The following MARCO variants were observed in gnomAD, a reference collection of about 807,000 sequenced individuals.
MARCO encodes the protein macrophage receptor MARCO.
MARCO carries 72 observed loss-of-function variants against 70.0 expected under a neutral mutation model. The ratio of observed to expected loss-of-function variants is 1.03; its 90% CI spans 0.85 to 1.25. The LOEUF (loss-of-function observed/expected upper bound fraction) is 1.25, where lower values mean the gene tolerates loss of function less well. Ranked by LOEUF, MARCO falls within the 50% of genes most tolerant of loss-of-function variation. The pLI is 0.00. For missense variants in MARCO, 696 were observed against 659.3 expected (o/e 1.06, Z -0.61); for synonymous variants, 273 against 243.1 (o/e 1.12, Z -1.14).
chr2:118,975,851 C>T (rs1680272416), intron 6 of MARCO, among the ~76,000 whole-genome samples: 1 of 152,192 alleles, frequency 6.6e-6, no homozygotes, highest in Non-Finnish European at 1.5e-5. Context: ...TACACTTGCA[C>T]AAGTACAATC....
chr2:118,988,550 C>G (rs1680558674), intron 12 of MARCO, among the ~76,000 whole-genome samples: 1 of 152,102 alleles, frequency 6.6e-6, no homozygotes, highest in South Asian at 2.1e-4. Flanking sequence ...GCAGAAATCT[C>G]TACCTTAAGA....
chr2:118,972,943 G>T (rs767317511), intron 4 of MARCO, among the ~76,000 whole-genome samples: 28 of 151,250 alleles, frequency 1.9e-4, no homozygotes, highest in Non-Finnish European at 3.7e-4. Flanking sequence ...GGCTTCTATG[G>T]CTCTCTCTCT....
intron 12 of MARCO, among the ~76,000 whole-genome samples, chr2:118,986,721 GA>G (rs370264640): frequency 0.019 from 1,679 of 88,376 alleles, 284 homozygotes; most frequent in African/African-American, 0.12. Context: ...AAGAAAGAAA[GA>G]AAAGAAAGAA....
At chr2:118,985,274 G>A (rs987926465) in intron 12 of MARCO, among the ~76,000 whole-genome samples, 2 of 152,094 alleles carry the variant, frequency 1.3e-5, no homozygotes, top group African/African-American at 4.8e-5. Flanking sequence ...TAGAGTGTAT[G>A]ATTTGAGAGA....
At chr2:118,983,885 A>C (rs1380507680) in intron 12 of MARCO, among the ~76,000 whole-genome samples, 1 of 152,104 alleles carries the variant, frequency 6.6e-6, no homozygotes, top group Non-Finnish European at 1.5e-5. Context: ...CCACAGGAGC[A>C]TTGTGCTTAC....
chr2:118,992,582 A>T (rs537276259), intron 15 of MARCO, 106 bp downstream of exon 15: 229 of 1,013,238 alleles, frequency 2.3e-4, no homozygotes, highest in Non-Finnish European at 9.7e-5. Context: ...TAAATTTCTC[A>T]TTTTGGGGAG....
chr2:118,943,697 C>T (rs1358253095), intron 1 of MARCO, among the ~76,000 whole-genome samples: 1 of 152,066 alleles, frequency 6.6e-6, no homozygotes, highest in Admixed American at 6.6e-5. Context: ...GTGCCTGGGG[C>T]GGGGTGGGCG....
chr2:118,951,753 T>TAGGGTACA (rs2104551070), intron 1 of MARCO, among the ~76,000 whole-genome samples: 1 of 152,350 alleles, frequency 6.6e-6, no homozygotes, highest in South Asian at 2.1e-4. Flanking sequence ...TTTAAATGAC[T>TAGGGTACA]AGGGTACAGT....
At chr2:118,942,986 C>T (rs1358809561) in intron 1 of MARCO, among the ~76,000 whole-genome samples, 1 of 152,190 alleles carries the variant, frequency 6.6e-6, no homozygotes, top group African/African-American at 2.4e-5. Context: ...CAGCATTCAA[C>T]AGGTGATGCA....
At chr2:118,984,071 G>A (rs1030991892) in intron 12 of MARCO, among the ~76,000 whole-genome samples, 2 of 152,182 alleles carry the variant, frequency 1.3e-5, no homozygotes, top group African/African-American at 2.4e-5. Context: ...CAGCCATTAA[G>A]AGATGCAGCC....
At chr2:118,985,990 A>T (rs747043703) in intron 12 of MARCO, among the ~76,000 whole-genome samples, 2 of 152,204 alleles carry the variant, frequency 1.3e-5, no homozygotes, top group Non-Finnish European at 2.9e-5. Context: ...AGCCAAAAAG[A>T]TCATCCATAA....
At chr2:118,967,529 C>G (rs984202657) in intron 1 of MARCO, among the ~76,000 whole-genome samples, 1 of 152,034 alleles carries the variant, frequency 6.6e-6, no homozygotes, top group Non-Finnish European at 1.5e-5. Context: ...GCTGTGTGAG[C>G]CTGGATTCTG....
chr2:118,958,738 A>G (rs1326554641), intron 1 of MARCO, among the ~76,000 whole-genome samples: 1 of 152,164 alleles, frequency 6.6e-6, no homozygotes, highest in Non-Finnish European at 1.5e-5. Flanking sequence ...GAGGCATCAC[A>G]CTATCTGATT....
In MARCO at chr2:118,942,202, C is replaced by T. The variant is rs1679516473; in HGVS notation, c.-99C>T. 1.3e-6 allele frequency: 1 copy of T among 740,806 alleles called. No individual in the cohort carries two copies. The highest frequency in any genetic ancestry group is 2.4e-6 in the Non-Finnish European group (1 of 424,156). The allele number at this position is 740,806 out of a possible 1,614,324, so 45.9% of individuals were successfully genotyped here. On this transcript the variant is annotated 5_prime_UTR_variant, in exon 1 of 17. Coordinates refer to ENST00000327097, the MANE Select transcript of MARCO (RefSeq NM_006770.4). ...GAAGTGCTGCGAGGTTTACAACCAG[C>T]TGCAGTGGTTCGATGGGAAGGATCT...
At chr2:118,976,283 C>G (rs1199637443) in intron 6 of MARCO, among the ~76,000 whole-genome samples, 1 of 152,168 alleles carries the variant, frequency 6.6e-6, no homozygotes, top group African/African-American at 2.4e-5. Context: ...GAAACAGATC[C>G]ACAAAGTAGG....
chr2:118,974,625 G>A (rs1252852061), intron 6 of MARCO, 60 bp downstream of exon 6: 1 of 1,527,452 alleles, frequency 6.5e-7, no homozygotes, highest in African/African-American at 1.4e-5. Flanking sequence ...AGTGACTGCT[G>A]TGGGCTGCAG....
intron 4 of MARCO, among the ~76,000 whole-genome samples, chr2:118,974,058 G>T (rs1455642435): frequency 6.6e-6 from 1 of 152,132 alleles, no homozygotes; most frequent in Non-Finnish European, 1.5e-5. Flanking sequence ...GGGAGCTGAG[G>T]CTCAAAATGA....
intron 7 of MARCO, 66 bp from the exon 8 acceptor site, chr2:118,977,762 T>G (rs1404688442): frequency 7.2e-6 from 9 of 1,254,962 alleles, no homozygotes; most frequent in Non-Finnish European, 1.0e-5. Flanking sequence ...TCCTGCCCCT[T>G]TGCCTCTGGT....
rs565762769 is a variant in MARCO, at chr2:118,981,291, G to T, written c.767-118G>T. ...CATATCTTCCACTCGCGGGCACCAA[G>T]TAGGAGCTCAAGGAGTTTAGGGTTT... On this transcript the variant is annotated intron_variant, in intron 8 of 16. Transcript: ENST00000327097. The T allele has an allele frequency of 2.2e-5, 15 of 696,894 alleles. No individual in the cohort carries two copies. In the South Asian group the frequency reaches 2.5e-4, roughly 11 times the overall value. 43.2% of individuals were successfully genotyped at this position (696,894 alleles called of 1,614,324 possible).
Sources: allele counts gnomAD v4.1 joint callset (sites outside exome capture counted in the v4.1 genomes callset), GRCh38; gene constraint gnomAD v4.1.1; transcripts MANE v1.5; gene names NCBI Gene and HGNC (gene_info 2026-07-23, HGNC 2026-07-21).